NEK1: variants seen among roughly 807,000 people sequenced by gnomAD.
The protein encoded by NEK1 is NIMA related kinase 1, also known as serine/threonine-protein kinase Nek1.
NEK1 carries 137 observed loss-of-function variants against 182.1 expected under a neutral mutation model. The observed-to-expected ratio is 0.75, with a 90% CI of 0.65 to 0.87. The LOEUF is 0.87. Ranked by LOEUF, NEK1 falls within the 40% of genes least tolerant of loss-of-function variation. NEK1 has a pLI of 0.00. For missense variants in NEK1, 1,391 were observed against 1,494.4 expected (o/e 0.93, Z 1.14); for synonymous variants, 513 against 492.2 (o/e 1.04, Z -0.56).
chr4:169,490,881 C>T (rs908134024), intron 23 of NEK1, among the ~76,000 whole-genome samples: 5 of 152,022 alleles, frequency 3.3e-5, no homozygotes, highest in East Asian at 1.9e-4. Context: ...TGGTGGCTCA[C>T]GCCTGTAATC....
chr4:169,574,071 T>C (rs974481363), intron 12 of NEK1, among the ~76,000 whole-genome samples: 13 of 151,876 alleles, frequency 8.6e-5, no homozygotes, highest in Non-Finnish European at 1.9e-4. Flanking sequence ...AGGAGGTGGA[T>C]TGCTTGAGCT....
At chr4:169,406,425 C>A (rs1732624426) in intron 32 of NEK1, among the ~76,000 whole-genome samples, 171 bp downstream of exon 32, 1 of 151,368 alleles carries the variant, frequency 6.6e-6, no homozygotes, top group Non-Finnish European at 1.5e-5. Context: ...TGTATTCCAG[C>A]TAGGTGACAG....
chr4:169,594,536 G>C (rs932206169), intron 5 of NEK1, among the ~76,000 whole-genome samples: 2 of 152,112 alleles, frequency 1.3e-5, no homozygotes, highest in African/African-American at 4.8e-5. Flanking sequence ...GCTTTATACT[G>C]ATTTTATCAT....
intron 2 of NEK1, among the ~76,000 whole-genome samples, chr4:169,609,076 A>G (rs912048876): frequency 2.3e-4 from 35 of 151,918 alleles, no homozygotes; most frequent in South Asian, 1.9e-3. Flanking sequence ...AAAAAAAAAA[A>G]AAGAAGAAGA....
At chr4:169,462,203 A>T (rs988072653) in intron 27 of NEK1, among the ~76,000 whole-genome samples, 4 of 151,898 alleles carry the variant, frequency 2.6e-5, no homozygotes, top group Non-Finnish European at 5.9e-5. Context: ...TGCAGAGTAA[A>T]ATTATTATTA....
At chr4:169,510,688 ATTCTGTTGAATGGCAGG>A (rs1188913332) in intron 19 of NEK1, among the ~76,000 whole-genome samples, 4 of 152,154 alleles carry the variant, frequency 2.6e-5, no homozygotes, top group African/African-American at 4.8e-5. Context: ...TTTAATTCAC[ATTCTGTTGAATGGCAGG>A]TAAAGCCATT....
chr4:169,425,217 A>T (rs1736170163), intron 30 of NEK1, among the ~76,000 whole-genome samples: 2 of 151,792 alleles, frequency 1.3e-5, no homozygotes, highest in Non-Finnish European at 2.9e-5. Flanking sequence ...GCTTGAGGCC[A>T]GGAGTTTGAA....
At chr4:169,515,716 T>C (rs1010958400) in intron 19 of NEK1, among the ~76,000 whole-genome samples, 2 of 91,630 alleles carry the variant, frequency 2.2e-5, no homozygotes, top group East Asian at 3.2e-4. Flanking sequence ...TGTGATCTCA[T>C]TGTTCAATTC....
At chr4:169,527,695 T>C (rs1393698997) in intron 19 of NEK1, among the ~76,000 whole-genome samples, 2 of 151,958 alleles carry the variant, frequency 1.3e-5, no homozygotes, top group African/African-American at 4.8e-5. Flanking sequence ...TTAATTAAAA[T>C]GGAATATTAA....
intron 29 of NEK1, among the ~76,000 whole-genome samples, chr4:169,431,738 GGGC>G (rs1234880294): frequency 1.3e-5 from 2 of 150,626 alleles, no homozygotes; most frequent in Non-Finnish European, 2.9e-5. Context: ...AGATCAACCT[GGGC>G]ACCAAAATTA....
At chr4:169,494,559 C>T (rs1176498787) in intron 23 of NEK1, among the ~76,000 whole-genome samples, 2 of 152,138 alleles carry the variant, frequency 1.3e-5, no homozygotes, top group Admixed American at 6.5e-5. Context: ...AATAAACATA[C>T]GTGTGCTTGT....
chr4:169,454,067 C>A (rs532539036), intron 27 of NEK1, among the ~76,000 whole-genome samples: 20 of 152,104 alleles, frequency 1.3e-4, no homozygotes, highest in Non-Finnish European at 2.5e-4. Flanking sequence ...CTGACAAAAA[C>A]GAGAAATGGG....
intron 27 of NEK1, among the ~76,000 whole-genome samples, chr4:169,448,892 C>T: frequency 6.6e-6 from 1 of 152,230 alleles, no homozygotes; most frequent in Non-Finnish European, 1.5e-5. Context: ...GGGGGATTTC[C>T]CTTTCCTAGC....
At chr4:169,605,584 T>C (rs953940200) in intron 2 of NEK1, among the ~76,000 whole-genome samples, 5 of 152,210 alleles carry the variant, frequency 3.3e-5, no homozygotes, top group African/African-American at 4.8e-5. Flanking sequence ...AAATTTTTCA[T>C]ACCAAATGAA....
At chr4:169,534,306 C>A (rs1004223447) in intron 19 of NEK1, among the ~76,000 whole-genome samples, 10 of 152,134 alleles carry the variant, frequency 6.6e-5, no homozygotes, top group Non-Finnish European at 1.5e-4. Flanking sequence ...GTAAACCCAA[C>A]AGCTGCCCAC....
At chr4:169,606,387 C>T (rs1771343034) in intron 2 of NEK1, among the ~76,000 whole-genome samples, 1 of 151,528 alleles carries the variant, frequency 6.6e-6, no homozygotes, top group East Asian at 1.9e-4. Flanking sequence ...CTGGCAAACA[C>T]AAAAGAACAT....
intron 27 of NEK1, among the ~76,000 whole-genome samples, chr4:169,447,040 A>T (rs937811545): frequency 1.9e-4 from 29 of 152,322 alleles, no homozygotes; most frequent in African/African-American, 6.7e-4. Context: ...GGATAATGTC[A>T]GAGAACTTCC....
intron 19 of NEK1, among the ~76,000 whole-genome samples, chr4:169,537,463 A>C (rs1340211491): frequency 6.6e-6 from 1 of 152,156 alleles, no homozygotes; most frequent in African/African-American, 2.4e-5. Flanking sequence ...AACCAAAAGC[A>C]TATTGGGGAA....
At chr4:169,422,687 C>T (rs1447977035) in intron 31 of NEK1, among the ~76,000 whole-genome samples, 8 of 152,138 alleles carry the variant, frequency 5.3e-5, no homozygotes, top group Non-Finnish European at 1.2e-4. Flanking sequence ...TGCCTCTTTT[C>T]CTCATACTCC....
Sources: gnomAD v4.1 joint callset for allele counts (sites outside exome capture counted in the v4.1 genomes callset) on GRCh38, gnomAD v4.1.1 for gene constraint, MANE v1.5 for transcripts, NCBI Gene and HGNC (gene_info 2026-07-23, HGNC 2026-07-21) for gene names.